PELI2: variants seen among roughly 807,000 people sequenced by gnomAD.
PELI2 encodes E3 ubiquitin-protein ligase pellino homolog 2.
A neutral mutation model predicts 42.3 loss-of-function variants in PELI2; 23 were observed. The ratio of observed to expected loss-of-function variants is 0.54; its 90% confidence interval spans 0.39 to 0.77. The LOEUF (loss-of-function observed/expected upper bound fraction) is 0.77, where lower values mean the gene tolerates loss of function less well. Among genes scored for constraint, PELI2 ranks in the 30% least tolerant of loss-of-function variants. The probability of loss-of-function intolerance (pLI) is 0.00; values close to 1 mark genes in which losing one functional copy is unlikely to be tolerated. For missense variants in PELI2, 463 were observed against 553.2 expected (o/e 0.84, Z 1.64); for synonymous variants, 245 against 212.2 (o/e 1.15, Z -1.34).
intron 2 of PELI2, among the ~76,000 whole-genome samples, chr14:56,209,766 A>G (rs961943497): frequency 6.6e-6 from 1 of 152,236 alleles, no homozygotes. Flanking sequence ...GCATTTAATA[A>G]GGGAATTAGT....
chr14:56,262,259 T>C (rs988548092), intron 2 of PELI2, among the ~76,000 whole-genome samples: 1 of 152,158 alleles, frequency 6.6e-6, no homozygotes, highest in Non-Finnish European at 1.5e-5. Flanking sequence ...GTTCCAGGAG[T>C]TTTGTTCCAC....
At chr14:56,274,975 G>T (rs978819703) in intron 2 of PELI2, among the ~76,000 whole-genome samples, 14 of 152,158 alleles carry the variant, frequency 9.2e-5, no homozygotes, top group Admixed American at 5.9e-4. Flanking sequence ...TGTCACTACT[G>T]GTACCTTTGC....
chr14:56,149,173 A>G (rs559813190), intron 1 of PELI2, among the ~76,000 whole-genome samples: 8 of 152,352 alleles, frequency 5.3e-5, no homozygotes, highest in Non-Finnish European at 1.2e-4. Context: ...GTGAAGGCAG[A>G]TAAAACATTC....
rs765498096 is a variant in PELI2 at position 56,219,017 on chromosome 14, C to T, written c.207+40553C>T. ...ATTTATAAAATGCCCAGTCCTTATA[C>T]TCTTGAGCATGACCAGATCCATTTC... On this transcript the variant is annotated intron_variant, in intron 2 of 5. Coordinates refer to ENST00000267460, the MANE Select transcript of PELI2 (RefSeq NM_021255.3). This position sits in a 1 kb window ranked among gnomAD's most constrained non-coding sequence, Gnocchi z 4.1. Among the ~76,000 whole-genome samples, 1 of 152,180 alleles carries T rather than the reference C, an allele frequency of 6.6e-6. No homozygotes were observed. The highest frequency in any genetic ancestry group is 1.5e-5 in the Non-Finnish European group (1 of 68,030).
intron 2 of PELI2, among the ~76,000 whole-genome samples, chr14:56,237,255 A>G (rs910424664): frequency 6.6e-6 from 1 of 152,216 alleles, no homozygotes; most frequent in African/African-American, 2.4e-5. Context: ...AAACGCCCAG[A>G]AATGGAAATC....
intron 1 of PELI2, among the ~76,000 whole-genome samples, chr14:56,173,749 T>C (rs1295558000): frequency 6.6e-6 from 1 of 152,216 alleles, no homozygotes; most frequent in Non-Finnish European, 1.5e-5. Context: ...TCGTCTCCTC[T>C]CTATCCCTGT....
intron 2 of PELI2, among the ~76,000 whole-genome samples, chr14:56,213,990 T>C (rs1433158734): frequency 1.3e-5 from 2 of 152,166 alleles, no homozygotes; most frequent in Admixed American, 1.3e-4. Flanking sequence ...TAGCTGGAAC[T>C]ACAGGCATGC....
chr14:56,195,784 G>A (rs1035761449), intron 2 of PELI2, among the ~76,000 whole-genome samples: 17 of 152,222 alleles, frequency 1.1e-4, no homozygotes, highest in Admixed American at 2.0e-4. Context: ...TTGTTTAAAT[G>A]TGAATCAGAT....
intron 2 of PELI2, among the ~76,000 whole-genome samples, chr14:56,246,816 C>T (rs1222503283): frequency 6.6e-6 from 1 of 152,190 alleles, no homozygotes. Context: ...TTCCATCATA[C>T]ATTGACTTAT....
chr14:56,178,044 C>T (rs1402793942), intron 1 of PELI2, among the ~76,000 whole-genome samples: 1 of 152,142 alleles, frequency 6.6e-6, no homozygotes, highest in Non-Finnish European at 1.5e-5. Flanking sequence ...CTGCAGAATA[C>T]TCATTTGCTT....
chr14:56,156,537 T>G (rs1361990029), intron 1 of PELI2, among the ~76,000 whole-genome samples: 2 of 152,222 alleles, frequency 1.3e-5, no homozygotes, highest in Non-Finnish European at 2.9e-5. Flanking sequence ...GTTCTTCTGC[T>G]GATTGGCTGT....
At chr14:56,229,508 C>G (rs1381423365) in intron 2 of PELI2, among the ~76,000 whole-genome samples, 2 of 152,170 alleles carry the variant, frequency 1.3e-5, no homozygotes, top group Non-Finnish European at 2.9e-5. Context: ...CAGCAAACTC[C>G]AACAGACCTG....
rs1279525928 is a variant in PELI2 at position 56,273,378 on chromosome 14, A to G, written c.208-6298A>G. Among the ~76,000 whole-genome samples, 1 of 152,194 alleles carries G rather than the reference A, an allele frequency of 6.6e-6. No homozygotes were observed. Among genetic ancestry groups the G allele is most frequent in the Non-Finnish European group, 1.5e-5 (1 of 68,038 alleles). On this transcript the variant is annotated intron_variant, in intron 2 of 5. Transcript: ENST00000267460. This position sits in a 1 kb window ranked among gnomAD's most constrained non-coding sequence, Gnocchi z 4.3. ...AAGTCCCATGTGTCACATCCACGGC[A>G]TTCTCTTGGTCATTGAGCAAGCTAC...
At chr14:56,179,072 A>G (rs1297059467) in intron 2 of PELI2, among the ~76,000 whole-genome samples, 1 of 152,202 alleles carries the variant, frequency 6.6e-6, no homozygotes, top group Non-Finnish European at 1.5e-5. Flanking sequence ...TAAAATGCTA[A>G]TTAAAAAAAA....
intron 2 of PELI2, among the ~76,000 whole-genome samples, chr14:56,246,714 C>T (rs116438422): frequency 0.014 from 2,186 of 152,198 alleles, 54 homozygotes; most frequent in African/African-American, 0.05. Flanking sequence ...ATCTGTAGTA[C>T]GCTGGGAAAC....
Position 56,301,139 on chromosome 14 carries a change from G to A in PELI2, c.*3973G>A, listed in dbSNP as rs1890158923. The stretch of plus-strand genomic sequence containing the variant: ...TTAAGGGGATGGTCACATTTACCAT[G>A]TATTGTGTTATTAGCAGTTAAATTT... On this transcript the variant is annotated 3_prime_UTR_variant, in exon 6 of 6. Coordinates refer to ENST00000267460, the MANE Select transcript of PELI2 (RefSeq NM_021255.3). The A allele has an allele frequency of 6.6e-6, 1 of 152,574 alleles. No individual in the cohort carries two copies. The highest frequency in any genetic ancestry group is 2.4e-5 in the African/African-American group (1 of 41,432). 9.5% of individuals were successfully genotyped at this position (152,574 alleles called of 1,614,324 possible).
At chr14:56,168,520 A>C (rs1327181384) in intron 1 of PELI2, among the ~76,000 whole-genome samples, 1 of 152,092 alleles carries the variant, frequency 6.6e-6, no homozygotes, top group Non-Finnish European at 1.5e-5. Context: ...GAGTCTCTTA[A>C]GTCAGCTTGT....
At chr14:56,161,218 T>C (rs1486076586) in intron 1 of PELI2, among the ~76,000 whole-genome samples, 2 of 152,134 alleles carry the variant, frequency 1.3e-5, no homozygotes, top group Non-Finnish European at 2.9e-5. Flanking sequence ...TATTCTGCTT[T>C]CATTTATTTC....
chr14:56,238,418 T>C (rs79235313), intron 2 of PELI2, among the ~76,000 whole-genome samples: 2,196 of 152,280 alleles, frequency 0.014, 57 homozygotes, highest in African/African-American at 0.05. Context: ...ATCCAAAAAA[T>C]CTATTAGGTA....
Sources: gnomAD v4.1 joint callset for allele counts (sites outside exome capture counted in the v4.1 genomes callset) on GRCh38, gnomAD v4.1.1 for gene constraint, Gnocchi (gnomAD v3.1) non-coding constraint, MANE v1.5 for transcripts, NCBI Gene and HGNC (gene_info 2026-07-23, HGNC 2026-07-21) for gene names.